The following DPP10 variants were observed in gnomAD, a reference collection of about 807,000 sequenced individuals.
DPP10 encodes the protein dipeptidyl peptidase like 10.
A neutral mutation model predicts 120.9 loss-of-function variants in DPP10; 33 were observed. The observed-to-expected ratio is 0.27, with a 90% CI of 0.21 to 0.37. The LOEUF (loss-of-function observed/expected upper bound fraction) is 0.37. DPP10 is among the 10% of genes least tolerant of loss of function. The pLI, the probability that DPP10 is intolerant of heterozygous loss-of-function variation, is 1.00. For synonymous variants in DPP10, 337 were observed against 326.1 expected (o/e 1.03, Z -0.36); for missense variants, 816 against 942.8 (o/e 0.87, Z 1.76).
intron 7 of DPP10, among the ~76,000 whole-genome samples, chr2:115,693,666 A>AT (rs1183656620): frequency 3.3e-5 from 5 of 152,052 alleles, no homozygotes; most frequent in African/African-American, 7.2e-5. Flanking sequence ...TTGATTCCTT[A>AT]TTTTTTAATA....
intron 1 of DPP10, among the ~76,000 whole-genome samples, chr2:115,206,992 C>T (rs941545373): frequency 3.3e-5 from 5 of 152,088 alleles, no homozygotes; most frequent in Non-Finnish European, 5.9e-5. Context: ...GAGATTTTTC[C>T]GATTGTCAAC....
intron 17 of DPP10, among the ~76,000 whole-genome samples, chr2:115,787,800 A>G (rs1683508300): frequency 6.6e-6 from 1 of 152,140 alleles, no homozygotes; most frequent in South Asian, 2.1e-4. Context: ...AATGATAAAG[A>G]AAAACATTTT....
intron 1 of DPP10, among the ~76,000 whole-genome samples, chr2:114,636,367 T>A (rs796806688): frequency 2.0e-5 from 3 of 152,118 alleles, no homozygotes; most frequent in African/African-American, 7.3e-5. Context: ...CATTTTCTCC[T>A]GCCTGCAGGC....
intron 1 of DPP10, among the ~76,000 whole-genome samples, chr2:114,837,077 G>A (rs111328370): frequency 6.6e-5 from 10 of 152,044 alleles, no homozygotes; most frequent in African/African-American, 2.4e-4. Flanking sequence ...TCATCACAGG[G>A]TCATGAGGTG....
intron 1 of DPP10, among the ~76,000 whole-genome samples, chr2:114,742,022 A>G (rs982726582): frequency 1.3e-5 from 2 of 152,236 alleles, no homozygotes; most frequent in African/African-American, 4.8e-5. Flanking sequence ...TAAAGAGCCA[A>G]CATCTCAAAA....
chr2:115,568,475 C>T (rs907226028), intron 5 of DPP10, among the ~76,000 whole-genome samples: 1 of 151,802 alleles, frequency 6.6e-6, no homozygotes, highest in African/African-American at 2.4e-5. Context: ...GAGCGAGACT[C>T]CGTCTAAAAA....
intron 1 of DPP10, among the ~76,000 whole-genome samples, chr2:114,749,411 T>G (rs1295715354): frequency 6.6e-6 from 1 of 152,140 alleles, no homozygotes; most frequent in East Asian, 1.9e-4. Flanking sequence ...GCTTTACTTC[T>G]ATGTTTTCAC....
chr2:115,212,203 A>T (rs980030902), intron 1 of DPP10, among the ~76,000 whole-genome samples: 1 of 152,184 alleles, frequency 6.6e-6, no homozygotes, highest in East Asian at 1.9e-4. Flanking sequence ...TTTAGAGAAC[A>T]TGCTGGAGTG....
chr2:115,840,686 A>C, intron 24 of DPP10, 64 bp from the exon 25 acceptor site: 1 of 1,475,962 alleles, frequency 6.8e-7, no homozygotes, highest in African/African-American at 1.4e-5. Flanking sequence ...TTTGAAAAAT[A>C]ATATGAAAAA....
chr2:115,279,994 A>G (rs11690705), intron 1 of DPP10, among the ~76,000 whole-genome samples: 110,638 of 151,992 alleles, frequency 0.73, 40,838 homozygotes, highest in Non-Finnish European at 0.79. Flanking sequence ...TCTTTCCTAC[A>G]CTGTTATGCC....
At chr2:115,119,031 C>G (rs531984601) in intron 1 of DPP10, among the ~76,000 whole-genome samples, 45 of 152,190 alleles carry the variant, frequency 3.0e-4, no homozygotes, top group Admixed American at 5.9e-4. Context: ...ATCCAAGTTC[C>G]CCATCTGGCC....
At chr2:115,164,264 G>C (rs1231499889) in intron 1 of DPP10, among the ~76,000 whole-genome samples, 1 of 151,942 alleles carries the variant, frequency 6.6e-6, no homozygotes, top group African/African-American at 2.4e-5. Flanking sequence ...ATGAAACGAT[G>C]GAAAAAGAAT....
At chr2:115,788,706 A>G (rs565929008) in intron 17 of DPP10, among the ~76,000 whole-genome samples, 1 of 152,252 alleles carries the variant, frequency 6.6e-6, no homozygotes, top group Non-Finnish European at 1.5e-5. Flanking sequence ...AATACAGTAT[A>G]TAAATATGCA....
At chr2:115,591,423 A>G (rs1490570203) in intron 5 of DPP10, among the ~76,000 whole-genome samples, 1 of 152,058 alleles carries the variant, frequency 6.6e-6, no homozygotes, top group Admixed American at 6.6e-5. Flanking sequence ...TTCTTTCCTC[A>G]TTTCTTGTTT....
At chr2:115,562,938 C>G (rs1209798721) in intron 5 of DPP10, among the ~76,000 whole-genome samples, 6 of 152,172 alleles carry the variant, frequency 3.9e-5, no homozygotes, top group Non-Finnish European at 8.8e-5. Flanking sequence ...ATAATATCTT[C>G]CCGGTCAGGA....
intron 5 of DPP10, among the ~76,000 whole-genome samples, chr2:115,542,823 A>G (rs1163309628): frequency 1.3e-5 from 2 of 151,980 alleles, no homozygotes; most frequent in African/African-American, 4.8e-5. Context: ...CCATGACGTT[A>G]CTTCTAAACT....
intron 1 of DPP10, among the ~76,000 whole-genome samples, chr2:114,954,080 CTTTTTTTT>C (rs66485866): frequency 8.2e-6 from 1 of 122,078 alleles, no homozygotes; most frequent in African/African-American, 3.1e-5. Context: ...TTAAGAAGTC[CTTTTTTTT>C]TTTTTTTTTT....
At chr2:114,819,813 G>T (rs1432788969) in intron 1 of DPP10, among the ~76,000 whole-genome samples, 1 of 152,162 alleles carries the variant, frequency 6.6e-6, no homozygotes, top group Non-Finnish European at 1.5e-5. Context: ...GCACAGTGTG[G>T]CATCCAAATT....
At chr2:114,664,810 G>T (rs964077752) in intron 1 of DPP10, among the ~76,000 whole-genome samples, 54 of 151,192 alleles carry the variant, frequency 3.6e-4, no homozygotes, top group African/African-American at 1.2e-3. Context: ...CCAAAAGGTG[G>T]CAGAGAGCAT....
Sources: gnomAD v4.1 joint callset for allele counts (sites outside exome capture counted in the v4.1 genomes callset) on GRCh38, gnomAD v4.1.1 for gene constraint, MANE v1.5 for transcripts, NCBI Gene and HGNC (gene_info 2026-07-23, HGNC 2026-07-21) for gene names.